SDK1: variants seen among roughly 807,000 people sequenced by gnomAD.
SDK1 encodes protein sidekick-1.
Under a neutral mutation model 245.5 loss-of-function variants are expected in SDK1, and 157 were observed. The observed-to-expected ratio is 0.64, with a 90% CI of 0.56 to 0.73. The LOEUF (loss-of-function observed/expected upper bound fraction) is 0.73, where lower values mean the gene tolerates loss of function less well. Among genes scored for constraint, SDK1 ranks in the 30% least tolerant of loss-of-function variants. The pLI, the probability that SDK1 is intolerant of heterozygous loss-of-function variation, is 0.00. For synonymous variants in SDK1, 1,647 were observed against 1,278.5 expected (o/e 1.29, Z -6.15); for missense variants, 3,583 against 3,002.3 (o/e 1.19, Z -4.52).
intron 1 of SDK1, among the ~76,000 whole-genome samples, chr7:3,516,738 T>C (rs902750932): frequency 4.6e-5 from 7 of 152,210 alleles, no homozygotes; most frequent in African/African-American, 7.2e-5. Context: ...TGAAGAACTC[T>C]ATTGTTTGAC....
intron 1 of SDK1, among the ~76,000 whole-genome samples, chr7:3,368,883 C>G (rs1252616863): frequency 6.6e-6 from 1 of 152,078 alleles, no homozygotes; most frequent in East Asian, 1.9e-4. Context: ...ACATTGCTTC[C>G]TGTACTCTCT....
chr7:3,909,838 T>G (rs1044805229), intron 5 of SDK1, among the ~76,000 whole-genome samples: 19 of 152,336 alleles, frequency 1.2e-4, no homozygotes, highest in African/African-American at 4.6e-4. Context: ...AAATCAGCCT[T>G]TTTTTGAATA....
chr7:3,991,162 T>G (rs1784282033), intron 14 of SDK1, among the ~76,000 whole-genome samples: 1 of 152,156 alleles, frequency 6.6e-6, no homozygotes, highest in Non-Finnish European at 1.5e-5. Flanking sequence ...AAAGAAGATG[T>G]GACATGAGAC....
At chr7:4,091,360 T>G (rs1253272341) in intron 22 of SDK1, among the ~76,000 whole-genome samples, 1 of 148,658 alleles carries the variant, frequency 6.7e-6, no homozygotes, top group Non-Finnish European at 1.5e-5. Context: ...TTTTTTTGTT[T>G]GAGACAGAGT....
At chr7:3,599,828 T>C (rs1169169975) in intron 1 of SDK1, among the ~76,000 whole-genome samples, 1 of 152,228 alleles carries the variant, frequency 6.6e-6, no homozygotes, top group Non-Finnish European at 1.5e-5. Flanking sequence ...TACCATACTG[T>C]CCTTATTACT....
intron 5 of SDK1, among the ~76,000 whole-genome samples, chr7:3,920,338 A>G (rs1268705315): frequency 6.6e-6 from 1 of 152,192 alleles, no homozygotes; most frequent in East Asian, 1.9e-4. Flanking sequence ...GTGAGATGTC[A>G]TTAGGCCTTG....
intron 14 of SDK1, among the ~76,000 whole-genome samples, chr7:3,997,644 A>T (rs946961265): frequency 6.6e-6 from 1 of 152,142 alleles, no homozygotes; most frequent in African/African-American, 2.4e-5. Flanking sequence ...GGCTGAGCCC[A>T]GGGTTTTTAT....
At chr7:4,198,961 G>A (rs1339097797) in intron 35 of SDK1, among the ~76,000 whole-genome samples, 1 of 151,842 alleles carries the variant, frequency 6.6e-6, no homozygotes, top group African/African-American at 2.4e-5. Flanking sequence ...TTACAGGCAC[G>A]CACCACCACG....
intron 1 of SDK1, among the ~76,000 whole-genome samples, chr7:3,611,578 A>G (rs116595456): frequency 0.032 from 4,825 of 152,204 alleles, 230 homozygotes; most frequent in African/African-American, 0.1. Flanking sequence ...TGGGATTGCT[A>G]GATGAAAGGG....
chr7:3,313,860 T>C (rs551945960), intron 1 of SDK1, among the ~76,000 whole-genome samples: 113 of 152,334 alleles, frequency 7.4e-4, no homozygotes, highest in Admixed American at 1.2e-3. Flanking sequence ...TTAGCTCTAT[T>C]TAGCCATTTC....
chr7:3,448,740 C>T (rs1036918199), intron 1 of SDK1, among the ~76,000 whole-genome samples: 1 of 152,080 alleles, frequency 6.6e-6, no homozygotes, highest in Non-Finnish European at 1.5e-5. Flanking sequence ...ATTTAAATGC[C>T]ATCAGTACTT....
At chr7:3,798,529 C>T (rs776069364) in intron 4 of SDK1, among the ~76,000 whole-genome samples, 35 of 152,066 alleles carry the variant, frequency 2.3e-4, no homozygotes, top group Non-Finnish European at 1.5e-4. Flanking sequence ...ACTTGACACT[C>T]TTGATGAGTG....
At chr7:4,120,020 A>C (rs1204704437) in intron 25 of SDK1, among the ~76,000 whole-genome samples, 1 of 149,216 alleles carries the variant, frequency 6.7e-6, no homozygotes, top group African/African-American at 2.4e-5. Context: ...ACAGTCATTG[A>C]AAATGAAAGC....
intron 2 of SDK1, among the ~76,000 whole-genome samples, chr7:3,629,809 G>A (rs79374181): frequency 2.0e-5 from 3 of 152,176 alleles, no homozygotes; most frequent in South Asian, 2.1e-4. Context: ...ATGCAGGAAA[G>A]CATGACCCAT....
chr7:4,181,598 G>T (rs1051685127), intron 35 of SDK1, among the ~76,000 whole-genome samples: 5 of 152,050 alleles, frequency 3.3e-5, no homozygotes, highest in African/African-American at 1.2e-4. Context: ...CTTTCCAGAG[G>T]CCTGCCCTCC....
At chr7:3,448,400 T>TAA (rs1181478885) in intron 1 of SDK1, among the ~76,000 whole-genome samples, 2 of 152,200 alleles carry the variant, frequency 1.3e-5, no homozygotes, top group Non-Finnish European at 2.9e-5. Context: ...TTAGGGATAT[T>TAA]AACTGTTTGG....
intron 14 of SDK1, among the ~76,000 whole-genome samples, chr7:3,999,733 T>C (rs1394490268): frequency 6.6e-6 from 1 of 152,238 alleles, no homozygotes; most frequent in Non-Finnish European, 1.5e-5. Context: ...AAAACCATTT[T>C]CTAACTAATA....
chr7:3,831,731 C>A (rs1347603871), intron 5 of SDK1, among the ~76,000 whole-genome samples: 1 of 151,780 alleles, frequency 6.6e-6, no homozygotes. Flanking sequence ...TGCTGTATGC[C>A]CTGTATGTAA....
chr7:3,450,336 C>A (rs1032610328), intron 1 of SDK1, among the ~76,000 whole-genome samples: 2 of 152,148 alleles, frequency 1.3e-5, no homozygotes, highest in Non-Finnish European at 1.5e-5. Flanking sequence ...AGAAGGACTT[C>A]TCTGGACAAA....
Sources: allele counts gnomAD v4.1 joint callset (sites outside exome capture counted in the v4.1 genomes callset), GRCh38; gene constraint gnomAD v4.1.1; transcripts MANE v1.5; gene names NCBI Gene and HGNC (gene_info 2026-07-23, HGNC 2026-07-21).